TP73: variants seen among roughly 807,000 people sequenced by gnomAD.
The protein encoded by TP73 is p53-like transcription factor.
Under a neutral mutation model 62.5 loss-of-function variants are expected in TP73, and 25 were observed. That is an observed-to-expected ratio of 0.40 (90% CI 0.29 to 0.56). TP73 has a LOEUF of 0.56. Among genes scored for constraint, TP73 ranks in the 20% least tolerant of loss-of-function variants. The pLI, the probability that TP73 is intolerant of heterozygous loss-of-function variation, is 0.46. For missense variants in TP73, 754 were observed against 913.3 expected, an observed-to-expected ratio of 0.83 and a Z score of 2.25; for synonymous variants, 423 against 377.5, an observed-to-expected ratio of 1.12 and a Z score of -1.40.
intron 6 of TP73, 111 bp from the exon 7 acceptor site, chr1:3,727,004 A>T: frequency 1.2e-6 from 1 of 825,408 alleles, no homozygotes; most frequent in South Asian, 1.7e-5. Context: ...AGAGCAGGGC[A>T]TCCCCCTGCC....
At chr1:3,688,120 C>T (rs752169856) in intron 3 of TP73, among the ~76,000 whole-genome samples, 5 of 152,084 alleles carry the variant, frequency 3.3e-5, no homozygotes, top group African/African-American at 7.2e-5. Context: ...TGGGGTCATG[C>T]GTGGGAGCAG....
chr1:3,704,745 G>C (rs1047669818), intron 3 of TP73, among the ~76,000 whole-genome samples: 1 of 152,270 alleles, frequency 6.6e-6, no homozygotes, highest in South Asian at 2.1e-4. Flanking sequence ...TCTGGGAGCC[G>C]GGGACTCTGG....
Position 3,682,279 on chromosome 1 carries a change from A to G in TP73, c.-33-54A>G, listed in dbSNP as rs5031051. 58 of 1,320,866 alleles carry G rather than the reference A, an allele frequency of 4.4e-5. 1 individual carries two copies. Among genetic ancestry groups the G allele is most frequent in the Middle Eastern group, 3.9e-4 (2 of 5,078 alleles). The allele number at this position is 1,320,866 out of a possible 1,614,324, so 81.8% of individuals were successfully genotyped here. ...CCGCCCCCACCGAGGCTGTCACAGG[A>G]GGACAGAGCACGAGTTCCCAGGGTG... is the stretch of plus-strand genomic sequence containing the variant. On this transcript the variant is annotated intron_variant, in intron 1 of 13. Coordinates refer to ENST00000378295, the MANE Select transcript of TP73 (RefSeq NM_005427.4).
chr1:3,688,723 C>T (rs141975154), intron 3 of TP73, among the ~76,000 whole-genome samples: 390 of 152,282 alleles, frequency 2.6e-3, no homozygotes, highest in African/African-American at 9.1e-3. Flanking sequence ...GTTTTGGGTG[C>T]TTTTGAGTTG....
At chr1:3,708,887 C>A (rs1639896393) in intron 4 of TP73, among the ~76,000 whole-genome samples, 1 of 152,208 alleles carries the variant, frequency 6.6e-6, no homozygotes, top group South Asian at 2.1e-4. Context: ...GGCCCCGCCT[C>A]CCCGGGCACA....
In TP73 at chr1:3,733,481, T is replaced by A. The variant is rs996147685; in HGVS notation, c.*402T>A. On this transcript the variant is annotated 3_prime_UTR_variant, in exon 14 of 14. Coordinates refer to ENST00000378295, the MANE Select transcript of TP73 (RefSeq NM_005427.4). ...TCCTTCCAAAGGAAAGGATCCTCTT[T>A]GCTGATGGACTGCCAAAAAGTATTT... 4.0e-6 allele frequency: 1 copy of A among 250,102 alleles called. No individual in the cohort carries two copies. The highest frequency in any genetic ancestry group is 5.0e-5 in the Admixed American group (1 of 20,082). The allele number at this position is 250,102 out of a possible 1,614,324, so 15.5% of individuals were successfully genotyped here. A position where few individuals can be genotyped will look rare whatever the true frequency, so the allele number is the denominator to read the frequency against.
In TP73 at chr1:3,666,622, T is replaced by A. The variant is rs1645120081; in HGVS notation, c.-34+13981T>A. On this transcript the variant is annotated intron_variant, in intron 1 of 13. Transcript: ENST00000378295. The surrounding 1 kb of genome is among the most constrained non-coding windows in gnomAD (Gnocchi z 6.4). ...CCCTCCCCACCACCTCCTGCCCACC[T>A]CCCTGGCCTTGGCTGCAGGCTAGGG... 6.6e-6 allele frequency among the ~76,000 whole-genome samples: 1 copy of A among 152,086 alleles called. No homozygotes were observed. Among genetic ancestry groups the A allele is most frequent in the African/African-American group, 2.4e-5 (1 of 41,402 alleles).
intron 6 of TP73, 52 bp downstream of exon 6, chr1:3,723,521 C>CGGGGG: frequency 2.1e-6 from 2 of 940,074 alleles, no homozygotes; most frequent in Admixed American, 3.9e-5. Flanking sequence ...CTGTACGGGT[C>CGGGGG]GGGGGAGGGG....
At chr1:3,723,186 A>C (rs995791258) in intron 5 of TP73, among the ~76,000 whole-genome samples, 168 bp from the exon 6 acceptor site, 1 of 144,144 alleles carries the variant, frequency 6.9e-6, no homozygotes, top group Non-Finnish European at 1.5e-5. Context: ...TGCACCTGAC[A>C]TGGGGCTGGG....
chr1:3,691,028 T>G (rs779884818), intron 3 of TP73: 1 of 1,529,224 alleles, frequency 6.5e-7, no homozygotes, highest in Non-Finnish European at 8.9e-7. Context: ...AGGGGCATCC[T>G]TCTGCCTGCC....
chr1:3,677,546 TG>T (rs989806714), intron 1 of TP73, among the ~76,000 whole-genome samples: 216 of 152,164 alleles, frequency 1.4e-3, no homozygotes, highest in African/African-American at 4.7e-3. Flanking sequence ...GTGCCAGGGC[TG>T]GGGGGGTGCC....
intron 4 of TP73, among the ~76,000 whole-genome samples, chr1:3,717,108 A>C (rs1001546135): frequency 2.0e-5 from 3 of 152,262 alleles, no homozygotes; most frequent in African/African-American, 7.2e-5. Context: ...AAGATGCTAC[A>C]CGTCCCAGGA....
chr1:3,729,959 T>C (rs1641998815), intron 10 of TP73, 41 bp from the exon 11 acceptor site: 1 of 1,547,672 alleles, frequency 6.5e-7, no homozygotes, highest in Non-Finnish European at 8.8e-7. Flanking sequence ...GGCACGAGGC[T>C]GCCTTGCTTC....
At chr1:3,690,467 GC>G (rs1184942528) in intron 3 of TP73, among the ~76,000 whole-genome samples, 1 of 152,174 alleles carries the variant, frequency 6.6e-6, no homozygotes, top group Non-Finnish European at 1.5e-5. Flanking sequence ...AGGGCCTGGG[GC>G]CCCCCGAGCC....
At chr1:3,679,019 A>T (rs1645442678) in intron 1 of TP73, among the ~76,000 whole-genome samples, 1 of 152,078 alleles carries the variant, frequency 6.6e-6, no homozygotes, top group South Asian at 2.1e-4. Context: ...GGGATCGGGG[A>T]CCCACGACCA....
chr1:3,704,723 C>T (rs1213320862), intron 3 of TP73, among the ~76,000 whole-genome samples: 1 of 152,158 alleles, frequency 6.6e-6, no homozygotes. Flanking sequence ...CCTCTTGGGC[C>T]TCGGTGAGGA....
intron 1 of TP73, among the ~76,000 whole-genome samples, chr1:3,679,731 CCTGT>C (rs1159170482): frequency 8.3e-6 from 1 of 120,890 alleles, no homozygotes; most frequent in Non-Finnish European, 1.7e-5. Context: ...TCTCTTTGTC[CCTGT>C]CTCTCTCTGC....
chr1:3,733,327 G>A lies in TP73; in HGVS notation c.*248G>A, dbSNP rs1463007018. 14 of 573,232 alleles carry A rather than the reference G, an allele frequency of 2.4e-5. No individual in the cohort carries two copies. The highest frequency in any genetic ancestry group is 6.2e-5 in the Admixed American group (2 of 32,088). The allele number at this position is 573,232 out of a possible 1,614,324, so 35.5% of individuals were successfully genotyped here. On this transcript the variant is annotated 3_prime_UTR_variant, in exon 14 of 14. Coordinates refer to ENST00000378295, the MANE Select transcript of TP73 (RefSeq NM_005427.4). ...TGCCCTAGTGCTGGGCTTGTGGGGC[G>A]GGGGCTGGCCCACTCTCAGCCCTGC... is the stretch of plus-strand genomic sequence containing the variant.
At chr1:3,690,122 G>A (rs1338956456) in intron 3 of TP73, among the ~76,000 whole-genome samples, 4 of 152,154 alleles carry the variant, frequency 2.6e-5, no homozygotes, top group Non-Finnish European at 5.9e-5. Flanking sequence ...CAGTGCCAGG[G>A]TGGGCTCCAA....
Sources: allele counts gnomAD v4.1 joint callset (sites outside exome capture counted in the v4.1 genomes callset), GRCh38; gene constraint gnomAD v4.1.1; non-coding constraint Gnocchi (gnomAD v3.1); transcripts MANE v1.5; gene names NCBI Gene and HGNC (gene_info 2026-07-23, HGNC 2026-07-21).